Variants in SUSD1 observed in about 807,000 individuals in gnomAD.
The protein encoded by SUSD1 is sushi domain containing 1.
A neutral mutation model predicts 86.9 loss-of-function variants in SUSD1; 65 were observed. The observed-to-expected ratio is 0.75, with a 90% CI of 0.61 to 0.92. The LOEUF is 0.92. SUSD1 is among the 40% of genes least tolerant of loss of function. The pLI is 0.00. For synonymous variants in SUSD1, 346 were observed against 350.0 expected, an observed-to-expected ratio of 0.99 and a Z score of 0.13; for missense variants, 850 against 929.7, an observed-to-expected ratio of 0.91 and a Z score of 1.11.
chr9:112,042,100 C>G (rs781608602), intron 15 of SUSD1, 140 bp from the exon 16 acceptor site: 1 of 1,543,374 alleles, frequency 6.5e-7, no homozygotes, highest in Non-Finnish European at 8.7e-7. Context: ...GCCCAACATG[C>G]CTGTGTGTCC....
At chr9:112,142,722 G>A (rs972717185) in intron 4 of SUSD1, 3 of 442,636 alleles carry the variant, frequency 6.8e-6, no homozygotes, top group Non-Finnish European at 1.2e-5. Flanking sequence ...GCACAAAGCT[G>A]AAATAACTTA....
chr9:112,110,147 A>C lies in SUSD1; in HGVS notation c.1171+1507T>G, dbSNP rs1361122334. ...GCAGATCACTTGAGGTCAGGAGTTTAAGACCAGCCTGGCCAATAAGGTGAA... is the reference window on the plus strand; with the variant it reads ...GCAGATCACTTGAGGTCAGGAGTTTCAGACCAGCCTGGCCAATAAGGTGAA... On this transcript the variant is annotated intron_variant, in intron 8 of 16. Coordinates refer to ENST00000374270, the MANE Select transcript of SUSD1 (RefSeq NM_022486.5). Among the ~76,000 whole-genome samples, 7 of 152,182 alleles carry C rather than the reference A, an allele frequency of 4.6e-5. No individual in the cohort carries two copies. In the East Asian group the frequency reaches 1.2e-3, roughly 25 times the overall value.
Position 112,167,059 on chromosome 9 carries a change from G to A in SUSD1, c.103+8074C>T, listed in dbSNP as rs182571661. ...TGGTGTCTCAACCAGAGTCAGGGTT[G>A]GAGTCATGATCCTTAGTTATGTGAG... On this transcript the variant is annotated intron_variant, in intron 1 of 16. Transcript: ENST00000374270. 2.0e-4 allele frequency among the ~76,000 whole-genome samples: 30 copies of A among 152,168 alleles called. 1 individual carries two copies. In the South Asian group the frequency reaches 5.8e-3, roughly 30 times the overall value.
intron 5 of SUSD1, among the ~76,000 whole-genome samples, chr9:112,137,159 C>T (rs1380560295): frequency 6.6e-6 from 1 of 152,128 alleles, no homozygotes; most frequent in African/African-American, 2.4e-5. Context: ...AAAGAGCTGG[C>T]CACCTCTAGA....
intron 5 of SUSD1, among the ~76,000 whole-genome samples, chr9:112,129,391 C>T (rs1831919309): frequency 6.6e-6 from 1 of 152,196 alleles, no homozygotes; most frequent in Non-Finnish European, 1.5e-5. Flanking sequence ...CAGCTCACTG[C>T]AGCTTCAACC....
At chr9:112,097,512 C>T (rs1036938547) in intron 10 of SUSD1, among the ~76,000 whole-genome samples, 3 of 150,402 alleles carry the variant, frequency 2.0e-5, no homozygotes, top group African/African-American at 7.3e-5. Context: ...ATTCTCTTGC[C>T]TCAGCCTCCC....
At position 112,063,023 on chromosome 9, in the gene SUSD1, G is replaced by A. The variant is rs1828803727; in HGVS notation, c.1764C>T (p.Leu588=). 1 of 1,611,026 alleles carries A rather than the reference G, an allele frequency of 6.2e-7. No homozygotes were observed. Among genetic ancestry groups the A allele is most frequent in the Non-Finnish European group, 8.5e-7 (1 of 1,177,264 alleles). The change falls in exon 13 of 17, where the codon CTC becomes CTT. Residue 588 remains leucine (L), a synonymous_variant. Transcript: ENST00000374270. ...SLTTQITEPP[L]PEVEFFTVHR... ...GCACCGTAAAAAATTCTACTTCCGGGAGGGGAGGCTCTGAAAACATGTTGA... is the reference window on the plus strand; with the variant it reads ...GCACCGTAAAAAATTCTACTTCCGGAAGGGGAGGCTCTGAAAACATGTTGA...
Position 112,113,819 on chromosome 9 carries a change from C to G in SUSD1, c.887-951G>C, listed in dbSNP as rs546357134. 1.3e-5 allele frequency among the ~76,000 whole-genome samples: 2 copies of G among 152,258 alleles called. No individual in the cohort carries two copies. Among genetic ancestry groups the G allele is most frequent in the East Asian group, 3.9e-4 (2 of 5,178 alleles). Reference sequence around the variant, plus strand: ...CGGTGGCACATGCCTGTAATCTCAACTACCTGGGAGGCTGAGGCAGGAGAA... The same window carrying G: ...CGGTGGCACATGCCTGTAATCTCAAGTACCTGGGAGGCTGAGGCAGGAGAA... On this transcript the variant is annotated intron_variant, in intron 6 of 16. Coordinates refer to ENST00000374270, the MANE Select transcript of SUSD1 (RefSeq NM_022486.5). This position sits in a 1 kb window ranked among gnomAD's most constrained non-coding sequence, Gnocchi z 4.1.
intron 5 of SUSD1, among the ~76,000 whole-genome samples, chr9:112,139,052 A>C (rs926894208): frequency 6.6e-6 from 1 of 152,246 alleles, no homozygotes; most frequent in Non-Finnish European, 1.5e-5. Flanking sequence ...ACATGATTAG[A>C]TATACCAGCA....
chr9:112,100,857 G>GACAC (rs5899985), intron 9 of SUSD1, among the ~76,000 whole-genome samples: 4,287 of 140,458 alleles, frequency 0.031, 212 homozygotes, highest in African/African-American at 0.1. Flanking sequence ...ATTGTACCTG[G>GACAC]ACACACACAC....
chr9:112,118,154 C>T (rs12335386), intron 6 of SUSD1, among the ~76,000 whole-genome samples: 6,368 of 152,236 alleles, frequency 0.042, 161 homozygotes, highest in Middle Eastern at 0.11. Flanking sequence ...GTCAAGCAAG[C>T]TCAGCATCAT....
intron 1 of SUSD1, among the ~76,000 whole-genome samples, chr9:112,170,324 T>C (rs560143010): frequency 1.3e-5 from 2 of 152,270 alleles, no homozygotes; most frequent in African/African-American, 4.8e-5. Context: ...ATGAAATGCA[T>C]GATGAGTGAA....
chr9:112,109,130 C>G (rs1320108002), intron 8 of SUSD1, among the ~76,000 whole-genome samples: 1 of 152,010 alleles, frequency 6.6e-6, no homozygotes, highest in African/African-American at 2.4e-5. Flanking sequence ...AAAATTGACT[C>G]AAGAAAATGT....
intron 14 of SUSD1, among the ~76,000 whole-genome samples, chr9:112,057,278 C>G (rs1298445500): frequency 2.0e-5 from 3 of 152,180 alleles, no homozygotes; most frequent in Admixed American, 1.3e-4. Flanking sequence ...TGTCTGTTGC[C>G]TAAGCTACCC....
intron 1 of SUSD1, among the ~76,000 whole-genome samples, chr9:112,165,918 AAAGAAAAG>A (rs1222017897): frequency 1.3e-5 from 1 of 79,184 alleles, no homozygotes; most frequent in African/African-American, 6.5e-5. Flanking sequence ...AGGAAGGAAG[AAAGAAAAG>A]AAAGAAAGAA....
chr9:112,090,326 C>T (rs1292900136), intron 10 of SUSD1, among the ~76,000 whole-genome samples: 2 of 151,970 alleles, frequency 1.3e-5, no homozygotes, highest in Non-Finnish European at 2.9e-5. Flanking sequence ...AAGCTTAAAC[C>T]GACCAATTTC....
At chr9:112,067,374 G>A (rs1185356280) in intron 12 of SUSD1, among the ~76,000 whole-genome samples, 1 of 152,198 alleles carries the variant, frequency 6.6e-6, no homozygotes, top group Non-Finnish European at 1.5e-5. Flanking sequence ...GATCCATCCT[G>A]GGCCTTCCCA....
chr9:112,122,992 T>C (rs1831614856), intron 6 of SUSD1, among the ~76,000 whole-genome samples: 1 of 152,110 alleles, frequency 6.6e-6, no homozygotes, highest in African/African-American at 2.4e-5. Context: ...TTAATGGGTA[T>C]AAAGTTTCAG....
intron 10 of SUSD1, among the ~76,000 whole-genome samples, chr9:112,096,521 C>A (rs1384159938): frequency 3.3e-5 from 5 of 152,112 alleles, no homozygotes; most frequent in Non-Finnish European, 7.4e-5. Flanking sequence ...GTTTATTTTA[C>A]AAGGAGAGGT....
Sources: gnomAD v4.1 joint callset for allele counts (sites outside exome capture counted in the v4.1 genomes callset) on GRCh38, gnomAD v4.1.1 for gene constraint, Gnocchi (gnomAD v3.1) non-coding constraint, MANE v1.5 for transcripts, NCBI Gene and HGNC (gene_info 2026-07-23, HGNC 2026-07-21) for gene names.